The following SHQ1 variants were observed in gnomAD, a reference collection of about 807,000 sequenced individuals.
SHQ1 encodes protein SHQ1 homolog.
SHQ1 carries 49 observed loss-of-function variants against 53.8 expected under a neutral mutation model. That is an observed-to-expected ratio of 0.91 (90% CI 0.72 to 1.16). The LOEUF is 1.16. Among genes scored for constraint, SHQ1 ranks in the 50% most tolerant of loss-of-function variants. SHQ1 has a pLI of 0.00. For synonymous variants in SHQ1, 243 were observed against 251.0 expected (o/e 0.97, Z 0.30); for missense variants, 738 against 683.1 (o/e 1.08, Z -0.90).
At chr3:72,839,650 C>A (rs1224278300) in intron 4 of SHQ1, among the ~76,000 whole-genome samples, 4 of 152,176 alleles carry the variant, frequency 2.6e-5, no homozygotes, top group African/African-American at 9.7e-5. Context: ...GGCCTGGTAT[C>A]CCAAATCTTA....
At chr3:72,774,646 G>A (rs1389524744) in intron 10 of SHQ1, among the ~76,000 whole-genome samples, 1 of 152,174 alleles carries the variant, frequency 6.6e-6, no homozygotes, top group Non-Finnish European at 1.5e-5. Flanking sequence ...AAACCTGTGA[G>A]AAGAATATAA....
chr3:72,827,441 T>C (rs1707694220), intron 5 of SHQ1, among the ~76,000 whole-genome samples: 1 of 151,972 alleles, frequency 6.6e-6, no homozygotes, highest in Admixed American at 6.6e-5. Context: ...TAAAGGAGCC[T>C]AACTGAAAAG....
chr3:72,745,997 C>T (rs567384244), downstream of SHQ1, among the ~76,000 whole-genome samples: 18 of 152,142 alleles, frequency 1.2e-4, no homozygotes, highest in South Asian at 4.2e-4. Context: ...CCCGCCACCA[C>T]CCCCAGGTAA....
intron 9 of SHQ1, among the ~76,000 whole-genome samples, chr3:72,802,422 A>G (rs1333485472): frequency 1.3e-5 from 2 of 152,178 alleles, no homozygotes; most frequent in African/African-American, 4.8e-5. Flanking sequence ...CTCCAATGCC[A>G]AACTCTTCAG....
the SHQ1 span, among the ~76,000 whole-genome samples, chr3:72,743,061 G>A: frequency 9.9e-5 from 15 of 152,262 alleles, no homozygotes; most frequent in African/African-American, 3.1e-4. Flanking sequence ...ATACTGCCTG[G>A]GTTGGGTTAG....
the SHQ1 span, among the ~76,000 whole-genome samples, chr3:72,726,729 G>C: frequency 1.3e-5 from 2 of 152,168 alleles, no homozygotes; most frequent in African/African-American, 4.8e-5. Context: ...CATCTGATGA[G>C]GACCATGACA....
intron 9 of SHQ1, chr3:72,793,705 CA>C: frequency 6.6e-6 from 1 of 152,080 alleles, no homozygotes; most frequent in African/African-American, 2.4e-5. Context: ...AAGCTTTCAA[CA>C]TAACATGGAA....
intron 10 of SHQ1, chr3:72,773,512 T>G: frequency 4.1e-6 from 1 of 246,166 alleles, no homozygotes; most frequent in Non-Finnish European, 8.0e-6. Context: ...AAAAAGAACT[T>G]CCACGAAGAC....
intron 6 of SHQ1, among the ~76,000 whole-genome samples, chr3:72,819,089 CTG>C (rs541495735): frequency 2.6e-5 from 4 of 152,318 alleles, no homozygotes; most frequent in Admixed American, 6.5e-5. Flanking sequence ...CTCATGGAAA[CTG>C]AGATCATGAA....
chr3:72,769,594 T>G (rs964135810), intron 10 of SHQ1, among the ~76,000 whole-genome samples: 3 of 152,212 alleles, frequency 2.0e-5, no homozygotes, highest in African/African-American at 7.2e-5. Context: ...CCCACCCATC[T>G]TTAGTTCCCT....
chr3:72,830,094 G>C (rs891773047), intron 5 of SHQ1, among the ~76,000 whole-genome samples: 1 of 148,552 alleles, frequency 6.7e-6, no homozygotes, highest in Non-Finnish European at 1.5e-5. Context: ...CAGCACTATA[G>C]TGAGCTGCAA....
intron 10 of SHQ1, among the ~76,000 whole-genome samples, chr3:72,762,646 T>C (rs963429161): frequency 2.0e-5 from 3 of 152,166 alleles, no homozygotes; most frequent in African/African-American, 4.8e-5. Context: ...TCACTCAACA[T>C]GACAGAATGT....
At chr3:72,817,796 C>A in intron 6 of SHQ1, among the ~76,000 whole-genome samples, 1 of 152,062 alleles carries the variant, frequency 6.6e-6, no homozygotes, top group Non-Finnish European at 1.5e-5. Context: ...GGAATACTCC[C>A]AGATATTAAT....
intron 7 of SHQ1, among the ~76,000 whole-genome samples, chr3:72,816,967 T>G (rs1268899512): frequency 6.6e-6 from 1 of 152,160 alleles, no homozygotes; most frequent in Non-Finnish European, 1.5e-5. Context: ...TCCTCTCTAC[T>G]CTCAGTTTCA....
chr3:72,786,214 G>A lies in SHQ1; in HGVS notation c.1181+6702C>T, dbSNP rs138154745. The stretch of plus-strand genomic sequence containing the variant: ...CAGGCTATTTTTCCTGGATTACCCT[G>A]CTTCTTAACTGGCCTTTAAGTCTGG... On this transcript the variant is annotated intron_variant, in intron 10 of 10. Transcript: ENST00000325599. 7.2e-3 allele frequency among the ~76,000 whole-genome samples: 1,094 copies of A among 152,214 alleles called. 11 individuals carry two copies. Among genetic ancestry groups the A allele is most frequent in the Non-Finnish European group, 9.1e-3 (616 of 68,018 alleles).
At chr3:72,815,822 A>C (rs943658075) in intron 7 of SHQ1, among the ~76,000 whole-genome samples, 2 of 152,218 alleles carry the variant, frequency 1.3e-5, no homozygotes, top group African/African-American at 4.8e-5. Context: ...CTGCTAGAAA[A>C]TTTGATCTTT....
chr3:72,827,262 A>G (rs895624546), intron 5 of SHQ1, among the ~76,000 whole-genome samples: 2 of 152,086 alleles, frequency 1.3e-5, no homozygotes, highest in African/African-American at 4.8e-5. Context: ...GGATTTACAA[A>G]CAGACCCATC....
At chr3:72,757,759 T>C (rs1256681212) in intron 10 of SHQ1, among the ~76,000 whole-genome samples, 1 of 152,070 alleles carries the variant, frequency 6.6e-6, no homozygotes, top group East Asian at 1.9e-4. Flanking sequence ...CACTTGTAAG[T>C]GGGAGCTAAA....
chr3:72,744,602 G>A (rs1487875785), downstream of SHQ1, among the ~76,000 whole-genome samples: 1 of 151,912 alleles, frequency 6.6e-6, no homozygotes, highest in Admixed American at 6.6e-5. Context: ...GTGGATGGCT[G>A]TGCCCCAGTC....
Sources: gnomAD v4.1 joint callset for allele counts (sites outside exome capture counted in the v4.1 genomes callset) on GRCh38, gnomAD v4.1.1 for gene constraint, MANE v1.5 for transcripts, NCBI Gene and HGNC (gene_info 2026-07-23, HGNC 2026-07-21) for gene names.